The following DGKB variants were observed in gnomAD, a reference collection of about 807,000 sequenced individuals.
DGKB encodes the protein 90 kDa diacylglycerol kinase.
In DGKB, 67 loss-of-function variants were observed where a neutral mutation model predicts 114.3. The ratio of observed to expected loss-of-function variants is 0.59; its 90% CI spans 0.48 to 0.72. DGKB has a LOEUF of 0.72. DGKB is among the 30% of genes least tolerant of loss of function. DGKB has a pLI of 0.00. For missense variants in DGKB, 907 were observed against 975.2 expected (o/e 0.93, Z 0.93); for synonymous variants, 398 against 323.1 (o/e 1.23, Z -2.49).
At chr7:14,785,913 G>C (rs558287462) in intron 2 of DGKB, among the ~76,000 whole-genome samples, 24 of 149,008 alleles carry the variant, frequency 1.6e-4, no homozygotes, top group African/African-American at 5.8e-4. Flanking sequence ...TTTTGCAAGA[G>C]CTGTAAGATC....
At chr7:14,795,020 C>A (rs1045421913) in intron 2 of DGKB, among the ~76,000 whole-genome samples, 4 of 152,180 alleles carry the variant, frequency 2.6e-5, no homozygotes, top group African/African-American at 9.6e-5. Flanking sequence ...AATGCTGATT[C>A]TCTGCAGAAC....
chr7:14,765,220 C>T (rs1398742462), intron 2 of DGKB, among the ~76,000 whole-genome samples: 1 of 151,914 alleles, frequency 6.6e-6, no homozygotes, highest in Non-Finnish European at 1.5e-5. Context: ...GTCTTTGCTC[C>T]AGGCTCACCA....
intron 23 of DGKB, among the ~76,000 whole-genome samples, chr7:14,185,915 C>T (rs1031441176): frequency 5.3e-5 from 8 of 152,174 alleles, no homozygotes; most frequent in Non-Finnish European, 1.5e-5. Context: ...TATAAAAATT[C>T]TAGAAGATAA....
At chr7:14,635,774 C>T (rs1053758186) in intron 13 of DGKB, among the ~76,000 whole-genome samples, 22 of 151,480 alleles carry the variant, frequency 1.5e-4, no homozygotes, top group African/African-American at 5.3e-4. Context: ...CTTCAAAGAA[C>T]TCAGTATAAT....
At chr7:14,437,320 A>C (rs1275567201) in intron 21 of DGKB, among the ~76,000 whole-genome samples, 1 of 152,108 alleles carries the variant, frequency 6.6e-6, no homozygotes, top group African/African-American at 2.4e-5. Flanking sequence ...TTTATTCAGT[A>C]ATGCAGAATT....
At chr7:14,380,903 C>T (rs1386326823) in intron 21 of DGKB, among the ~76,000 whole-genome samples, 1 of 152,122 alleles carries the variant, frequency 6.6e-6, no homozygotes, top group Non-Finnish European at 1.5e-5. Context: ...TGATACATGG[C>T]AAAAGGAACT....
At position 14,701,707 on chromosome 7, in the gene DGKB, C is replaced by T. The variant is rs1266906795; in HGVS notation, c.490G>A (p.Asp164Asn). Reference protein sequence around the residue: ...LEFMFRLYDTDGNGFLDSSEL... With the variant: ...LEFMFRLYDTNGNGFLDSSEL... ...GAGCTGTCCAGGAAGCCATTCCCAT[C>T]CGTGTCATAAAGGCGAAACATAACT... The change falls in exon 7 of 26, where the codon GAT becomes AAT. Residue 164 changes from aspartate to asparagine, a missense_variant. This residue lies in a region of DGKB where 814 missense variants were observed against 856.6 expected (regional missense o/e 0.95). Transcript: ENST00000402815. The T allele has an allele frequency of 6.2e-7, 1 of 1,612,286 alleles. No individual in the cohort carries two copies.
At chr7:14,766,052 A>G (rs890187036) in intron 2 of DGKB, among the ~76,000 whole-genome samples, 7 of 151,966 alleles carry the variant, frequency 4.6e-5, no homozygotes, top group African/African-American at 1.7e-4. Flanking sequence ...GATTATTTGT[A>G]CTTTAGAAAC....
chr7:14,564,620 C>A (rs10226701), intron 20 of DGKB, among the ~76,000 whole-genome samples: 1 of 151,916 alleles, frequency 6.6e-6, no homozygotes, highest in East Asian at 1.9e-4. Context: ...AAAAATTCCT[C>A]TTGAAAATTT....
At chr7:14,555,045 A>C (rs960418355) in intron 20 of DGKB, among the ~76,000 whole-genome samples, 4 of 152,164 alleles carry the variant, frequency 2.6e-5, no homozygotes, top group African/African-American at 9.7e-5. Context: ...TCCGGATGAT[A>C]GCAATTTACT....
chr7:14,582,363 C>T (rs372121285), intron 18 of DGKB, among the ~76,000 whole-genome samples: 6 of 152,036 alleles, frequency 3.9e-5, no homozygotes, highest in African/African-American at 1.4e-4. Flanking sequence ...ACCTTATATC[C>T]TCAGTGATGT....
At chr7:14,182,109 C>A (rs1210286885) in intron 23 of DGKB, among the ~76,000 whole-genome samples, 3 of 152,108 alleles carry the variant, frequency 2.0e-5, no homozygotes, top group South Asian at 4.1e-4. Flanking sequence ...TGATAAATAT[C>A]ACGTTATAGT....
intron 23 of DGKB, among the ~76,000 whole-genome samples, chr7:14,252,307 T>C (rs1795360625): frequency 6.6e-6 from 1 of 152,200 alleles, no homozygotes; most frequent in Non-Finnish European, 1.5e-5. Flanking sequence ...TCAGGCAGCT[T>C]GTAGTTACCA....
rs1842442919 is a variant in DGKB at position 14,803,588 on chromosome 7, A to T, written c.70+37606T>A. 2.0e-5 allele frequency among the ~76,000 whole-genome samples: 3 copies of T among 152,266 alleles called. No individual in the cohort carries two copies. The South Asian group carries it at 6.2e-4, about 32-fold the overall frequency. Reference sequence around the variant, plus strand: ...TTCTGTTTCTTCAACACTGTTAGACACTGTCCCTTTCGGGCTGAGTTAGGT... The same window carrying T: ...TTCTGTTTCTTCAACACTGTTAGACTCTGTCCCTTTCGGGCTGAGTTAGGT... On this transcript the variant is annotated intron_variant, in intron 2 of 25. Transcript: ENST00000402815.
chr7:14,813,037 TAGG>T (rs1403115842), intron 2 of DGKB, among the ~76,000 whole-genome samples: 5 of 152,278 alleles, frequency 3.3e-5, no homozygotes, highest in South Asian at 4.1e-4. Context: ...GATCTAAAAA[TAGG>T]AGAGCAAAGC....
intron 21 of DGKB, among the ~76,000 whole-genome samples, chr7:14,454,327 G>C (rs1368407932): frequency 1.3e-5 from 2 of 151,934 alleles, no homozygotes; most frequent in African/African-American, 4.8e-5. Context: ...TTAATTCTAT[G>C]GTATTTCCTG....
At chr7:14,870,299 C>G (rs367954256) in intron 1 of DGKB, among the ~76,000 whole-genome samples, 77 of 152,226 alleles carry the variant, frequency 5.1e-4, no homozygotes, top group African/African-American at 1.8e-3. Flanking sequence ...ATTTTATGTG[C>G]TCAAACGATA....
At chr7:14,277,684 T>G (rs565550803) in intron 23 of DGKB, among the ~76,000 whole-genome samples, 1 of 152,342 alleles carries the variant, frequency 6.6e-6, no homozygotes, top group Admixed American at 6.5e-5. Context: ...TTAGGCTGAT[T>G]CCATATCTTA....
At chr7:14,591,369 A>T (rs912653501) in intron 17 of DGKB, among the ~76,000 whole-genome samples, 2 of 152,144 alleles carry the variant, frequency 1.3e-5, no homozygotes, top group Non-Finnish European at 2.9e-5. Context: ...CCATTTTATT[A>T]ATTTTTTTGA....
Sources: gnomAD v4.1 joint callset for allele counts (sites outside exome capture counted in the v4.1 genomes callset) on GRCh38, gnomAD v4.1.1 for gene constraint, gnomAD v4.1.1 regional missense constraint, MANE v1.5 for transcripts, NCBI Gene and HGNC (gene_info 2026-07-23, HGNC 2026-07-21) for gene names.